Variants in MYO9B observed in about 807,000 individuals in gnomAD.
The protein encoded by MYO9B is myosin IXB.
In MYO9B, 71 loss-of-function variants were observed where a neutral mutation model predicts 229.5. That is an observed-to-expected ratio of 0.31 (90% CI 0.26 to 0.38). The LOEUF is 0.38. MYO9B is among the 10% of genes least tolerant of loss of function. The pLI, the probability that MYO9B is intolerant of heterozygous loss-of-function variation, is 1.00. For synonymous variants in MYO9B, 1,185 were observed against 1,235.8 expected (o/e 0.96, Z 0.86); for missense variants, 2,255 against 2,920.5 (o/e 0.77, Z 5.25).
chr19:17,175,699 A>C lies in MYO9B; in HGVS notation c.2177A>C (p.Glu726Ala). ...SSPGAQSHPE[E>A]LPRGASTPSE... ...CCTGGTGCCCAAAGTCACCCAGAAG[A>C]GCTGCCAAGAGGAGCCAGCACCCCT... Residue 726 changes from glutamate to alanine, a missense_variant, in exon 14 of 40, where the codon GAG (glutamate) becomes GCG (alanine). Physicochemically the swap from Glu to Ala is moderately radical, Grantham distance 107. Around this residue, in one of 7 missense-constraint regions of MYO9B, gnomAD observed 155 missense variants for 159.1 expected, o/e 0.97. Transcript: ENST00000682292. The C allele has an allele frequency of 1.9e-6, 3 of 1,575,026 alleles. No individual in the cohort carries two copies. Among genetic ancestry groups the C allele is most frequent in the Non-Finnish European group, 1.7e-6 (2 of 1,160,716 alleles).
At chr19:17,135,527 A>C (rs930191466) in intron 2 of MYO9B, among the ~76,000 whole-genome samples, 1 of 152,146 alleles carries the variant, frequency 6.6e-6, no homozygotes, top group African/African-American at 2.4e-5. Context: ...AAGCAGCAAC[A>C]CAATAGCACC....
intron 2 of MYO9B, among the ~76,000 whole-genome samples, chr19:17,128,553 A>G (rs1005837914): frequency 1.3e-5 from 2 of 152,224 alleles, no homozygotes; most frequent in African/African-American, 4.8e-5. Context: ...GGGACAGGGC[A>G]CTGCCCATAG....
At chr19:17,092,672 C>A (rs2057648977) in intron 1 of MYO9B, among the ~76,000 whole-genome samples, 1 of 145,314 alleles carries the variant, frequency 6.9e-6, no homozygotes, top group African/African-American at 2.6e-5. Flanking sequence ...TTGCAGTGAG[C>A]TGAGATCGCA....
At position 17,202,105 on chromosome 19, in the gene MYO9B, A is replaced by T. The variant is rs765008832; in HGVS notation, c.4663-25A>T. The T allele has an allele frequency of 4.9e-5, 79 of 1,612,664 alleles. No homozygotes were observed. The East Asian group carries it at 1.7e-3, about 34-fold the overall frequency. On this transcript the variant is annotated intron_variant, in intron 27 of 39. Transcript: ENST00000682292. ...CCATCCGCCCCTTGCCCAGGCCTGC[A>T]GGGTGACGCCTAGCATTCCTACAGA...
At chr19:17,202,421 GC>G in intron 28 of MYO9B, 118 bp downstream of exon 28, 1 of 1,005,388 alleles carries the variant, frequency 9.9e-7, no homozygotes, top group Non-Finnish European at 1.4e-6. Context: ...CCCATGCCCT[GC>G]CCATACCACA....
chr19:17,159,425 A>C lies in MYO9B; in HGVS notation c.1360A>C (p.Thr454Pro). The change falls in exon 8 of 40, where the codon ACC (threonine) becomes CCC (proline). Residue 454 changes from threonine (T) to proline (P), a missense_variant. This residue lies in a region of MYO9B where 220 missense variants were observed against 404.5 expected (regional missense o/e 0.54). Transcript: ENST00000682292. ...GCGAGAAATCTTGGTGGAGGTTCTGACCAAAAGAAAAACGGTGACCGTCAA... is the reference window on the plus strand; with the variant it reads ...GCGAGAAATCTTGGTGGAGGTTCTGCCCAAAAGAAAAACGGTGACCGTCAA... Reference protein sequence around the residue: ...VKREILVEVLTKRKTVTVNDK... With the variant: ...VKREILVEVLPKRKTVTVNDK... 6.2e-7 allele frequency: 1 copy of C among 1,610,190 alleles called. No homozygotes were observed. The highest frequency in any genetic ancestry group is 8.5e-7 in the Non-Finnish European group (1 of 1,178,258).
intron 13 of MYO9B, among the ~76,000 whole-genome samples, chr19:17,175,439 G>C (rs933870835): frequency 6.6e-6 from 1 of 151,874 alleles, no homozygotes; most frequent in African/African-American, 2.4e-5. Flanking sequence ...ACAAAAATTA[G>C]CTGGGCACAG....
At chr19:17,145,933 G>GGGATGGATGGAT (rs778037773) in intron 3 of MYO9B, among the ~76,000 whole-genome samples, 1 of 151,208 alleles carries the variant, frequency 6.6e-6, no homozygotes, top group Non-Finnish European at 1.5e-5. Flanking sequence ...GACTCATGAG[G>GGGATGGATGGAT]GGATGGATGG....
intron 2 of MYO9B, among the ~76,000 whole-genome samples, chr19:17,117,173 C>T (rs183093472): frequency 2.6e-5 from 4 of 152,150 alleles, no homozygotes; most frequent in Admixed American, 2.6e-4. Context: ...ATCTGTCTAT[C>T]GGCGATGTCA....
rs2073239874 is a variant in MYO9B at position 17,212,245 on chromosome 19, A to G, written c.6409A>G (p.Lys2137Glu). Residue 2137 changes from lysine to glutamate, a missense_variant, in exon 40 of 40, where the codon AAG (lysine) becomes GAG (glutamate). By Grantham distance (56) the Lys-to-Glu change is moderately conservative (BLOSUM62 1). Transcript: ENST00000682292. This position sits in a 1 kb window ranked among gnomAD's most constrained non-coding sequence, Gnocchi z 5.4. ...LEEDGQPPGA[K>E]RRYSDPPTYC... ...AGAGGATGGCCAGCCACCTGGGGCC[A>G]AGCGGAGGTACTCGGATCCCCCAAC... 6.3e-7 allele frequency: 1 copy of G among 1,579,084 alleles called. No homozygotes were observed. Among genetic ancestry groups the G allele is most frequent in the Admixed American group, 1.9e-5 (1 of 53,948 alleles).
At position 17,175,712 on chromosome 19, in the gene MYO9B, A is replaced by T; in HGVS notation, c.2190A>T (p.Gly730=). The T allele has an allele frequency of 6.3e-7, 1 of 1,576,196 alleles. No homozygotes were observed. Among genetic ancestry groups the T allele is most frequent in the Non-Finnish European group, 8.6e-7 (1 of 1,161,140 alleles). Residue 730 remains glycine, a synonymous_variant, in exon 14 of 40, where the codon GGA becomes GGT. Transcript: ENST00000682292. ...AQSHPEELPR[G]ASTPSEKLYR... ...GTCACCCAGAAGAGCTGCCAAGAGG[A>T]GCCAGCACCCCTTCGGAAAAACTTT...
chr19:17,149,941 C>T (rs1204199231), intron 3 of MYO9B, among the ~76,000 whole-genome samples: 3 of 152,290 alleles, frequency 2.0e-5, no homozygotes, highest in South Asian at 2.1e-4. Flanking sequence ...CTCCTAGAAA[C>T]GGACACAGCC....
In MYO9B at chr19:17,152,681, C is replaced by T. The variant is rs1482552386; in HGVS notation, c.973C>T (p.Leu325=). 1 of 1,613,494 alleles carries T rather than the reference C, an allele frequency of 6.2e-7. No individual in the cohort carries two copies. The highest frequency in any genetic ancestry group is 1.1e-5 in the South Asian group (1 of 91,000). ...GAAATATCTGCTTGAAAAGTCTCGCCTGGTGTCTCAGGAGAAGGATGAGAG... is the reference window on the plus strand; with the variant it reads ...GAAATATCTGCTTGAAAAGTCTCGCTTGGTGTCTCAGGAGAAGGATGAGAG... ...VEKYLLEKSR[L]VSQEKDERNY... The change falls in exon 4 of 40, where the codon CTG becomes TTG. Residue 325 remains leucine, a synonymous_variant. Transcript: ENST00000682292.
intron 2 of MYO9B, among the ~76,000 whole-genome samples, chr19:17,106,129 G>A (rs1230452493): frequency 6.6e-6 from 1 of 151,896 alleles, no homozygotes; most frequent in Non-Finnish European, 1.5e-5. Context: ...CCAAGTAGCT[G>A]GAATTCCAGG....
At chr19:17,110,610 C>T (rs2057838563) in intron 2 of MYO9B, among the ~76,000 whole-genome samples, 2 of 152,294 alleles carry the variant, frequency 1.3e-5, no homozygotes, top group East Asian at 1.9e-4. Context: ...CAGCTGGCAG[C>T]GTGCATGGGG....
chr19:17,101,202 G>C lies in MYO9B; in HGVS notation c.-58-458G>C, dbSNP rs1259944255. On this transcript the variant is annotated intron_variant, in intron 1 of 39. Transcript: ENST00000682292. This position sits in a 1 kb window ranked among gnomAD's most constrained non-coding sequence, Gnocchi z 4.7. ...CACTGTATTTTTTTTTAAGTGACAG[G>C]GTCTCTCTCTCTCACCCAGGCTGGA... Among the ~76,000 whole-genome samples, 1 of 151,354 alleles carries C rather than the reference G, an allele frequency of 6.6e-6. No homozygotes were observed. Among genetic ancestry groups the C allele is most frequent in the Admixed American group, 6.6e-5 (1 of 15,148 alleles).
intron 17 of MYO9B, 87 bp from the exon 18 acceptor site, chr19:17,185,834 T>C (rs961040577): frequency 9.5e-7 from 1 of 1,057,806 alleles, no homozygotes; most frequent in South Asian, 1.3e-5. Context: ...CCCACACTGA[T>C]GCTAGAGTGT....
chr19:17,191,287 CCAG>C, intron 20 of MYO9B, 68 bp downstream of exon 20: 1 of 1,497,986 alleles, frequency 6.7e-7, no homozygotes, highest in South Asian at 1.2e-5. Flanking sequence ...CCGTGTCTCC[CCAG>C]GCCCCCAGGG....
At chr19:17,192,181 T>C (rs940437368) in intron 20 of MYO9B, among the ~76,000 whole-genome samples, 26 of 151,506 alleles carry the variant, frequency 1.7e-4, no homozygotes, top group Admixed American at 6.6e-4. Flanking sequence ...TAGTCCCAGC[T>C]ACTCGGGAGG....
Sources: gnomAD v4.1 joint callset for allele counts (sites outside exome capture counted in the v4.1 genomes callset) on GRCh38, gnomAD v4.1.1 for gene constraint, gnomAD v4.1.1 regional missense constraint, Gnocchi (gnomAD v3.1) non-coding constraint, MANE v1.5 for transcripts, NCBI Gene and HGNC (gene_info 2026-07-23, HGNC 2026-07-21) for gene names.